TRIM33: variants seen among roughly 807,000 people sequenced by gnomAD.
TRIM33 encodes tripartite motif containing 33, also known as E3 ubiquitin-protein ligase TRIM33.
Under a neutral mutation model 125.4 loss-of-function variants are expected in TRIM33, and 20 were observed. The ratio of observed to expected loss-of-function variants is 0.16; its 90% CI spans 0.11 to 0.23. The LOEUF (loss-of-function observed/expected upper bound fraction) is 0.23, where lower values mean the gene tolerates loss of function less well. Among genes scored for constraint, TRIM33 ranks in the 10% least tolerant of loss-of-function variants. TRIM33 has a pLI of 1.00. For missense variants in TRIM33, 920 were observed against 1,411.4 expected, an observed-to-expected ratio of 0.65 and a Z score of 5.58; for synonymous variants, 564 against 513.9, an observed-to-expected ratio of 1.10 and a Z score of -1.32.
chr1:114,508,288 T>C (rs959578882), intron 1 of TRIM33, among the ~76,000 whole-genome samples: 1 of 152,170 alleles, frequency 6.6e-6, no homozygotes, highest in African/African-American at 2.4e-5. Context: ...TTACATATTA[T>C]TCTCTCTCCT....
chr1:114,506,665 T>C (rs1653023273), intron 1 of TRIM33, among the ~76,000 whole-genome samples: 1 of 152,180 alleles, frequency 6.6e-6, no homozygotes, highest in Admixed American at 6.5e-5. Flanking sequence ...AAAGTATAAA[T>C]GTATATATAC....
intron 13 of TRIM33, among the ~76,000 whole-genome samples, 158 bp downstream of exon 13, chr1:114,408,519 T>C (rs74113170): frequency 0.043 from 6,596 of 152,238 alleles, 153 homozygotes; most frequent in South Asian, 0.063. Context: ...CAGAAAGGAA[T>C]TGGCAGAAGT....
chr1:114,421,778 T>TTCAAAC (rs1647221062), intron 10 of TRIM33, 142 bp from the exon 11 acceptor site: 1 of 759,014 alleles, frequency 1.3e-6, no homozygotes, highest in Non-Finnish European at 2.1e-6. Context: ...AGAAGAACAG[T>TTCAAAC]TCAAACTCAG....
intron 1 of TRIM33, among the ~76,000 whole-genome samples, chr1:114,491,000 G>C (rs1271245835): frequency 1.3e-5 from 2 of 152,106 alleles, no homozygotes; most frequent in Non-Finnish European, 2.9e-5. Context: ...CCTAAGTCTG[G>C]GGGGAATGGT....
At chr1:114,488,581 A>G (rs1206351315) in intron 1 of TRIM33, among the ~76,000 whole-genome samples, 1 of 151,874 alleles carries the variant, frequency 6.6e-6, no homozygotes. Flanking sequence ...CTGGGCAACA[A>G]TACAAGACCC....
rs775643202 is a variant in TRIM33 at position 114,420,412 on chromosome 1, C to T, written c.2061+1024G>A. The T allele has an allele frequency of 2.0e-5, 27 of 1,335,480 alleles. No individual in the cohort carries two copies. The Middle Eastern group carries it at 2.4e-3, about 121-fold the overall frequency. The allele number at this position is 1,335,480 out of a possible 1,614,324, so 82.7% of individuals were successfully genotyped here. A position where few individuals can be genotyped will look rare whatever the true frequency, so the allele number is the denominator to read the frequency against. The stretch of plus-strand genomic sequence containing the variant: ...TGGTCCTGGGTCTTCTCTCTGGCTC[C>T]AAACTCATACCAGGAGTGCATCATC... On this transcript the variant is annotated intron_variant, in intron 11 of 19. Transcript: ENST00000358465.
chr1:114,453,297 G>C (rs907197590), intron 4 of TRIM33, among the ~76,000 whole-genome samples: 1 of 150,584 alleles, frequency 6.6e-6, no homozygotes. Flanking sequence ...CCAGGAGGCA[G>C]AGGTTGCAGT....
Position 114,427,824 on chromosome 1 carries a change from A to G in TRIM33, c.1226T>C (p.Val409Ala). Residue 409 changes from valine to alanine, a missense_variant, in exon 7 of 20, where the codon GTG becomes GCG. Val to Ala is a moderately conservative substitution (Grantham distance 64). Transcript: ENST00000358465. ...ATTTGTGAAGTTCATAACATGCTTC[A>G]CCTGCCGGGAAAGGCCTGTGATGTC... is the stretch of plus-strand genomic sequence containing the variant. ...QNDITGLSRQ[V>A]KHVMNFTNWA... The G allele has an allele frequency of 1.2e-6, 2 of 1,614,130 alleles. No individual in the cohort carries two copies. The highest frequency in any genetic ancestry group is 1.7e-6 in the Non-Finnish European group (2 of 1,179,988).
At chr1:114,439,421 A>C (rs1648504646) in intron 4 of TRIM33, among the ~76,000 whole-genome samples, 2 of 142,080 alleles carry the variant, frequency 1.4e-5, no homozygotes, top group Admixed American at 1.5e-4. Context: ...GTGAGCCAAG[A>C]TTGCGCCACG....
chr1:114,468,255 T>C lies in TRIM33; in HGVS notation c.527-3867A>G, dbSNP rs967236825. 2.1e-5 allele frequency: 5 copies of C among 236,386 alleles called. No homozygotes were observed. In the Admixed American group the frequency reaches 2.2e-4, roughly 10 times the overall value. 14.6% of individuals were successfully genotyped at this position (236,386 alleles called of 1,614,324 possible). A position where few individuals can be genotyped will look rare whatever the true frequency, so the allele number is the denominator to read the frequency against. Reference sequence around the variant, plus strand: ...GTAACAGCAGGAGCAGCGCTGCTGCTGGGGGCTAGGGCTGATTTGTCTGAC... The same window carrying C: ...GTAACAGCAGGAGCAGCGCTGCTGCCGGGGGCTAGGGCTGATTTGTCTGAC... On this transcript the variant is annotated intron_variant, in intron 1 of 19. Coordinates refer to ENST00000358465, the MANE Select transcript of TRIM33 (RefSeq NM_015906.4).
Position 114,397,783 on chromosome 1 carries a change from G to C in TRIM33, c.3249C>G (p.Asp1083Glu). ...ACTCTGGCAAAGGTGCGAAGGTCCT[G>C]TCTGAGTAGATCTCTGTGAGTTTAT... ...FEDKLTEIYS[D>E]RTFAPLPEFE... Residue 1083 changes from aspartate to glutamate, a missense_variant, in exon 20 of 20, where the codon GAC becomes GAG. Physicochemically the swap from Asp to Glu is conservative, Grantham distance 45. Coordinates refer to ENST00000358465, the MANE Select transcript of TRIM33 (RefSeq NM_015906.4). 1.2e-6 allele frequency: 2 copies of C among 1,613,842 alleles called. No individual in the cohort carries two copies. The highest frequency in any genetic ancestry group is 1.7e-6 in the Non-Finnish European group (2 of 1,179,930).
intron 1 of TRIM33, among the ~76,000 whole-genome samples, chr1:114,465,394 C>T (rs1324259726): frequency 2.0e-5 from 3 of 152,138 alleles, no homozygotes; most frequent in African/African-American, 7.2e-5. Context: ...TTATAATGTA[C>T]ACAATTACAG....
In TRIM33 at chr1:114,443,883, T is replaced by A. The variant is rs981715719; in HGVS notation, c.924-10150A>T. ...CCCTGTTTCTTAAAAAAAAAAAAAA[T>A]TAATGTATGAAGGTGGAACAAAGGT... On this transcript the variant is annotated intron_variant, in intron 4 of 19. Transcript: ENST00000358465. Among the ~76,000 whole-genome samples the A allele has an allele frequency of 1.1e-4, 17 of 149,658 alleles. 1 individual carries two copies. The South Asian group carries it at 3.2e-3, about 28-fold the overall frequency.
chr1:114,417,148 A>T (rs375928999), intron 11 of TRIM33, among the ~76,000 whole-genome samples: 1 of 152,226 alleles, frequency 6.6e-6, no homozygotes, highest in African/African-American at 2.4e-5. Context: ...TTCCATTCAC[A>T]TGTGGAATGT....
In TRIM33 at chr1:114,427,821, T is replaced by C. The variant is rs751347510; in HGVS notation, c.1229A>G (p.Lys410Arg). The change falls in exon 7 of 20, where the codon AAG becomes AGG. Residue 410 changes from lysine (K) to arginine (R), a missense_variant. This residue lies in a region of TRIM33 where 407 missense variants were observed against 589.7 expected (regional missense o/e 0.69). Coordinates refer to ENST00000358465, the MANE Select transcript of TRIM33 (RefSeq NM_015906.4). ...NDITGLSRQV[K>R]HVMNFTNWAI... The stretch of plus-strand genomic sequence containing the variant: ...CCAATTTGTGAAGTTCATAACATGC[T>C]TCACCTGCCGGGAAAGGCCTGTGAT... 1.2e-6 allele frequency: 2 copies of C among 1,614,162 alleles called. No homozygotes were observed. Among genetic ancestry groups the C allele is most frequent in the East Asian group, 4.5e-5 (2 of 44,880 alleles).
chr1:114,417,902 T>C (rs1342606148), intron 11 of TRIM33, among the ~76,000 whole-genome samples: 2 of 152,148 alleles, frequency 1.3e-5, no homozygotes. Context: ...GTGATCTGCC[T>C]GCCTCAGCCT....
intron 1 of TRIM33, among the ~76,000 whole-genome samples, chr1:114,469,772 C>T (rs1475685174): frequency 6.6e-6 from 1 of 152,080 alleles, no homozygotes; most frequent in East Asian, 1.9e-4. Context: ...GAATATGTTG[C>T]CCACTCTTAC....
Position 114,423,936 on chromosome 1 carries a change from T to A in TRIM33, c.1860+655A>T, listed in dbSNP as rs143401507. Among the ~76,000 whole-genome samples the A allele has an allele frequency of 7.1e-3, 1,076 of 152,306 alleles. 10 individuals are homozygous for A. The highest frequency in any genetic ancestry group is 8.8e-3 in the Non-Finnish European group (600 of 68,036). On this transcript the variant is annotated intron_variant, in intron 10 of 19. Transcript: ENST00000358465. Reference sequence around the variant, plus strand: ...CACCAAAGCTGACTGGTGATTCTGATGGTCTTTAAAACATGTTTTGAGAAA... The same window carrying A: ...CACCAAAGCTGACTGGTGATTCTGAAGGTCTTTAAAACATGTTTTGAGAAA...
chr1:114,452,764 T>C (rs1381260014), intron 4 of TRIM33, among the ~76,000 whole-genome samples: 2 of 144,574 alleles, frequency 1.4e-5, no homozygotes, highest in Non-Finnish European at 3.0e-5. Flanking sequence ...TAGCCAGGGA[T>C]GGTAGTATAC....
Sources: gnomAD v4.1 joint callset for allele counts (sites outside exome capture counted in the v4.1 genomes callset) on GRCh38, gnomAD v4.1.1 for gene constraint, gnomAD v4.1.1 regional missense constraint, MANE v1.5 for transcripts, NCBI Gene and HGNC (gene_info 2026-07-23, HGNC 2026-07-21) for gene names.